PTPRG: variants seen among roughly 807,000 people sequenced by gnomAD.
PTPRG encodes the protein protein tyrosine phosphatase receptor type G, also known as receptor-type tyrosine-protein phosphatase gamma.
Under a neutral mutation model 165.3 loss-of-function variants are expected in PTPRG, and 102 were observed. The ratio of observed to expected loss-of-function variants is 0.62; its 90% CI spans 0.53 to 0.73. PTPRG has a LOEUF of 0.73. Ranked by LOEUF, PTPRG falls within the 30% of genes least tolerant of loss-of-function variation. The pLI, the probability that PTPRG is intolerant of heterozygous loss-of-function variation, is 0.00. For synonymous variants in PTPRG, 675 were observed against 669.5 expected (o/e 1.01, Z -0.13); for missense variants, 1,866 against 1,861.4 (o/e 1.00, Z -0.05).
chr3:62,083,039 AT>A (rs1179682678), intron 5 of PTPRG, among the ~76,000 whole-genome samples: 1 of 152,220 alleles, frequency 6.6e-6, no homozygotes, highest in Non-Finnish European at 1.5e-5. Flanking sequence ...AAATAAAAAT[AT>A]TGTCAAGGGA....
intron 2 of PTPRG, among the ~76,000 whole-genome samples, chr3:61,810,973 C>G (rs576107864): frequency 4.9e-4 from 74 of 152,268 alleles, no homozygotes; most frequent in Middle Eastern, 3.4e-3. Flanking sequence ...GAGTGCAAGG[C>G]TGTCACCAGG....
intron 2 of PTPRG, among the ~76,000 whole-genome samples, chr3:61,845,919 G>A (rs1417515798): frequency 1.3e-5 from 2 of 152,184 alleles, no homozygotes; most frequent in Non-Finnish European, 2.9e-5. Context: ...CCTGATAGGT[G>A]CTTGGTGAAA....
At chr3:62,125,362 G>A (rs1206569067) in intron 5 of PTPRG, among the ~76,000 whole-genome samples, 1 of 152,136 alleles carries the variant, frequency 6.6e-6, no homozygotes, top group Non-Finnish European at 1.5e-5. Flanking sequence ...TCCCCACTCA[G>A]TGTTTTCTGG....
At chr3:61,920,758 T>C (rs986084470) in intron 2 of PTPRG, among the ~76,000 whole-genome samples, 2 of 152,230 alleles carry the variant, frequency 1.3e-5, no homozygotes, top group Admixed American at 1.3e-4. Flanking sequence ...TACAGAGATA[T>C]TCCTTATGCC....
At chr3:61,988,365 G>A (rs1279197365) in intron 2 of PTPRG, among the ~76,000 whole-genome samples, 1 of 152,158 alleles carries the variant, frequency 6.6e-6, no homozygotes, top group Non-Finnish European at 1.5e-5. Flanking sequence ...ACTGTGAGCT[G>A]TTACCAGTTT....
intron 1 of PTPRG, among the ~76,000 whole-genome samples, chr3:61,690,816 T>C (rs530183831): frequency 2.4e-4 from 36 of 152,300 alleles, no homozygotes; most frequent in African/African-American, 8.7e-4. Flanking sequence ...GAGAGTGATT[T>C]TTTTTTTTCA....
At chr3:61,978,614 A>G (rs188064323) in intron 2 of PTPRG, among the ~76,000 whole-genome samples, 16 of 152,368 alleles carry the variant, frequency 1.1e-4, no homozygotes, top group African/African-American at 3.8e-4. Context: ...AGTTGCTGGT[A>G]CATAAGGTAT....
At chr3:61,854,522 A>G (rs1395269161) in intron 2 of PTPRG, among the ~76,000 whole-genome samples, 1 of 152,188 alleles carries the variant, frequency 6.6e-6, no homozygotes, top group African/African-American at 2.4e-5. Flanking sequence ...TTCAGTGTGT[A>G]CACATACATA....
intron 5 of PTPRG, among the ~76,000 whole-genome samples, chr3:62,116,052 G>A (rs1400027272): frequency 6.6e-6 from 1 of 152,142 alleles, no homozygotes; most frequent in Non-Finnish European, 1.5e-5. Flanking sequence ...TGTCAGTGTT[G>A]TCTTTATTGT....
rs186456278 is a variant in PTPRG, at chr3:62,028,050, G to A, written c.519+24553G>A. Among the ~76,000 whole-genome samples the A allele has an allele frequency of 3.5e-3, 531 of 152,242 alleles. 4 individuals carry two copies. The highest frequency in any genetic ancestry group is 0.012 in the African/African-American group (498 of 41,526). ...TTTAAGGCTTGAAAAATGTTCTTTA[G>A]GATTCCTTGGTATCAAAGCATCCAT... On this transcript the variant is annotated intron_variant, in intron 4 of 29. Coordinates refer to ENST00000474889, the MANE Select transcript of PTPRG (RefSeq NM_002841.4).
intron 5 of PTPRG, among the ~76,000 whole-genome samples, chr3:62,113,435 T>C (rs1436163387): frequency 6.6e-6 from 1 of 152,206 alleles, no homozygotes; most frequent in Admixed American, 6.5e-5. Flanking sequence ...ATTTAATCAT[T>C]TATATATCTG....
chr3:61,806,704 A>G (rs57316292), intron 2 of PTPRG, among the ~76,000 whole-genome samples: 27,507 of 152,158 alleles, frequency 0.18, 3,466 homozygotes, highest in African/African-American at 0.33. Context: ...CGATGGGCCC[A>G]TGGCTGAATT....
chr3:61,897,938 GT>G (rs1051626094), intron 2 of PTPRG, among the ~76,000 whole-genome samples: 8 of 151,692 alleles, frequency 5.3e-5, no homozygotes, highest in African/African-American at 1.9e-4. Context: ...GTTTTAGGAG[GT>G]TTTTTTTCAT....
intron 4 of PTPRG, among the ~76,000 whole-genome samples, chr3:62,013,461 A>T (rs573605320): frequency 3.6e-4 from 55 of 152,218 alleles, no homozygotes; most frequent in Non-Finnish European, 6.6e-4. Context: ...AGTAGCAGGT[A>T]TGTACAGTGA....
At chr3:62,232,669 C>G (rs1300747461) in intron 14 of PTPRG, among the ~76,000 whole-genome samples, 2 of 152,178 alleles carry the variant, frequency 1.3e-5, no homozygotes, top group Non-Finnish European at 2.9e-5. Flanking sequence ...TGTACTTCGA[C>G]CCCCACGTCA....
intron 1 of PTPRG, among the ~76,000 whole-genome samples, chr3:61,609,916 A>G (rs563198431): frequency 2.5e-4 from 38 of 151,822 alleles, no homozygotes; most frequent in Non-Finnish European, 5.0e-4. Context: ...ATTCTTTCCA[A>G]CTTTTTTCCA....
intron 2 of PTPRG, among the ~76,000 whole-genome samples, chr3:61,840,765 G>GGTTT (rs2036604306): frequency 2.5e-5 from 3 of 119,544 alleles, no homozygotes; most frequent in Admixed American, 8.3e-5. Context: ...TTCAGATGGA[G>GGTTT]TTTTTTTTGT....
At chr3:61,824,551 C>T (rs565778662) in intron 2 of PTPRG, among the ~76,000 whole-genome samples, 5 of 152,172 alleles carry the variant, frequency 3.3e-5, no homozygotes, top group African/African-American at 1.2e-4. Flanking sequence ...GATTTCTCAG[C>T]AAGTATGGTG....
Position 62,168,176 on chromosome 3 carries a change from T to C in PTPRG, c.1033+13T>C, listed in dbSNP as rs750066221. 11 of 1,597,356 alleles carry C rather than the reference T, an allele frequency of 6.9e-6. No homozygotes were observed. Among genetic ancestry groups the C allele is most frequent in the Non-Finnish European group, 9.4e-6 (11 of 1,171,208 alleles). On this transcript the variant is annotated intron_variant, in intron 8 of 29. Transcript: ENST00000474889. ...GAAGCCTCTAAAGGTATATTTGGCT[T>C]AAGTGCCTTGCCCAGAGGAAGATTC...
Sources: allele counts gnomAD v4.1 joint callset (sites outside exome capture counted in the v4.1 genomes callset), GRCh38; gene constraint gnomAD v4.1.1; transcripts MANE v1.5; gene names NCBI Gene and HGNC (gene_info 2026-07-23, HGNC 2026-07-21).